SMAD3: variants seen among roughly 807,000 people sequenced by gnomAD.
SMAD3 encodes SMAD family member 3.
SMAD3 carries 12 observed loss-of-function variants against 51.8 expected under a neutral mutation model. The ratio of observed to expected loss-of-function variants is 0.23; its 90% CI spans 0.15 to 0.38. SMAD3 has a LOEUF of 0.38. Ranked by LOEUF, SMAD3 falls within the 10% of genes least tolerant of loss-of-function variation. The pLI, the probability that SMAD3 is intolerant of heterozygous loss-of-function variation, is 1.00. For missense variants in SMAD3, 294 were observed against 565.6 expected (o/e 0.52, Z 4.87); for synonymous variants, 238 against 227.7 (o/e 1.05, Z -0.41).
intron 1 of SMAD3, among the ~76,000 whole-genome samples, chr15:67,107,720 C>T (rs868605240): frequency 6.6e-6 from 1 of 152,328 alleles, no homozygotes; most frequent in Middle Eastern, 3.4e-3. Flanking sequence ...CCCTCACCCA[C>T]CCCAAAGCCT....
intron 7 of SMAD3, 124 bp downstream of exon 7, chr15:67,184,988 G>C: frequency 7.8e-7 from 1 of 1,285,774 alleles, no homozygotes; most frequent in Non-Finnish European, 1.1e-6. Context: ...CAATCTGGAG[G>C]TGATTGGATT....
At chr15:67,071,768 C>T (rs1197481689) in intron 1 of SMAD3, among the ~76,000 whole-genome samples, 1 of 152,052 alleles carries the variant, frequency 6.6e-6, no homozygotes, top group Non-Finnish European at 1.5e-5. Context: ...GCCGAGATCG[C>T]GCCACTGCAC....
chr15:67,095,185 G>A (rs1960590420), intron 1 of SMAD3, among the ~76,000 whole-genome samples: 1 of 152,176 alleles, frequency 6.6e-6, no homozygotes, highest in South Asian at 2.1e-4. Context: ...GGACAAAGGA[G>A]CTGTCACACA....
chr15:67,166,093 G>A, intron 3 of SMAD3: 1 of 809,714 alleles, frequency 1.2e-6, no homozygotes. Flanking sequence ...TTACTGGGCT[G>A]AGATTGGCTA....
chr15:67,132,170 G>C (rs1032907146), intron 1 of SMAD3, among the ~76,000 whole-genome samples: 21 of 152,184 alleles, frequency 1.4e-4, no homozygotes, highest in Non-Finnish European at 2.6e-4. Flanking sequence ...GGGGGAAACT[G>C]AGTCCTCAGC....
At chr15:67,100,781 C>G (rs1368764502) in intron 1 of SMAD3, among the ~76,000 whole-genome samples, 1 of 152,252 alleles carries the variant, frequency 6.6e-6, no homozygotes, top group East Asian at 1.9e-4. Flanking sequence ...ATGGGACTTT[C>G]CAATCCAGGC....
At chr15:67,069,799 C>G (rs985765545) in intron 1 of SMAD3, among the ~76,000 whole-genome samples, 1 of 152,040 alleles carries the variant, frequency 6.6e-6, no homozygotes, top group East Asian at 1.9e-4. Flanking sequence ...CTCTGCCTCC[C>G]GGTTCAAGCG....
chr15:67,174,838 T>A (rs139373565), intron 5 of SMAD3, among the ~76,000 whole-genome samples: 1 of 152,204 alleles, frequency 6.6e-6, no homozygotes, highest in Non-Finnish European at 1.5e-5. Flanking sequence ...TCCTTTCATT[T>A]CCTCCCCACT....
chr15:67,086,088 A>T (rs1960386298), intron 1 of SMAD3, among the ~76,000 whole-genome samples: 1 of 142,140 alleles, frequency 7.0e-6, no homozygotes, highest in Non-Finnish European at 1.5e-5. Flanking sequence ...TCACAGTACA[A>T]AGTGGGGGGT....
intron 1 of SMAD3, among the ~76,000 whole-genome samples, chr15:67,155,113 C>CT (rs1962247717): frequency 6.6e-6 from 1 of 152,196 alleles, no homozygotes; most frequent in African/African-American, 2.4e-5. Context: ...GGACCAGATG[C>CT]CCTCAAGGTT....
intron 1 of SMAD3, among the ~76,000 whole-genome samples, chr15:67,098,237 T>C (rs1960657157): frequency 6.6e-6 from 1 of 150,988 alleles, no homozygotes. Context: ...GGGCCTCAGT[T>C]CATCATCTGT....
intron 3 of SMAD3, among the ~76,000 whole-genome samples, chr15:67,165,585 G>T (rs1188592578): frequency 6.6e-6 from 1 of 152,244 alleles, no homozygotes; most frequent in East Asian, 1.9e-4. Context: ...CCCCTCACTA[G>T]TGATGCTTTT....
chr15:67,074,598 C>T (rs1960127324), intron 1 of SMAD3, among the ~76,000 whole-genome samples: 2 of 152,250 alleles, frequency 1.3e-5, no homozygotes, highest in African/African-American at 4.8e-5. Flanking sequence ...TCCCAGCTTA[C>T]ATCTGGCAAG....
intron 1 of SMAD3, among the ~76,000 whole-genome samples, chr15:67,164,316 GAAAAAAAAAAAAAAAAA>G (rs59880604): frequency 5.4e-4 from 45 of 83,668 alleles, no homozygotes; most frequent in Non-Finnish European, 8.7e-4. Flanking sequence ...CTCCGTCTCA[GAAAAAAAAAAAAAAAAA>G]AAAAAAAAAA....
At chr15:67,084,007 G>A (rs903306469) in intron 1 of SMAD3, among the ~76,000 whole-genome samples, 3 of 150,892 alleles carry the variant, frequency 2.0e-5, no homozygotes, top group Non-Finnish European at 4.4e-5. Context: ...TCTACAAAAT[G>A]ACAAGCTTGA....
chr15:67,172,558 A>G (rs1213837890), intron 5 of SMAD3, among the ~76,000 whole-genome samples: 2 of 152,194 alleles, frequency 1.3e-5, no homozygotes, highest in African/African-American at 4.8e-5. Context: ...GATGGGAAAC[A>G]TTTCTTGAGA....
chr15:67,119,667 G>T (rs1426147706), intron 1 of SMAD3, among the ~76,000 whole-genome samples: 1 of 152,218 alleles, frequency 6.6e-6, no homozygotes, highest in African/African-American at 2.4e-5. Flanking sequence ...GAATTATTTT[G>T]TAAGAAGCTT....
chr15:67,180,899 T>G (rs1963032631), intron 5 of SMAD3, among the ~76,000 whole-genome samples: 1 of 152,006 alleles, frequency 6.6e-6, no homozygotes, highest in Non-Finnish European at 1.5e-5. Context: ...CCTCTTCAGG[T>G]TTGGCCCAGC....
At chr15:67,076,562 A>G (rs1960174348) in intron 1 of SMAD3, among the ~76,000 whole-genome samples, 1 of 152,172 alleles carries the variant, frequency 6.6e-6, no homozygotes, top group Non-Finnish European at 1.5e-5. Flanking sequence ...TGGCTCTGAA[A>G]TGACCCAGAC....
Sources: allele counts gnomAD v4.1 joint callset (sites outside exome capture counted in the v4.1 genomes callset), GRCh38; gene constraint gnomAD v4.1.1; transcripts MANE v1.5; gene names NCBI Gene and HGNC (gene_info 2026-07-23, HGNC 2026-07-21).